Variants in DCC observed in about 807,000 individuals in gnomAD.
The protein encoded by DCC is DCC netrin 1 receptor.
A neutral mutation model predicts 172.5 loss-of-function variants in DCC; 58 were observed. The observed-to-expected ratio is 0.34, with a 90% CI of 0.27 to 0.42. The LOEUF (loss-of-function observed/expected upper bound fraction) is 0.42. Among genes scored for constraint, DCC ranks in the 10% least tolerant of loss-of-function variants. DCC has a pLI of 1.00. For synonymous variants in DCC, 709 were observed against 644.5 expected (o/e 1.10, Z -1.52); for missense variants, 1,740 against 1,791.0 (o/e 0.97, Z 0.51).
At chr18:52,632,008 T>C (rs558501404) in intron 1 of DCC, among the ~76,000 whole-genome samples, 1 of 152,274 alleles carries the variant, frequency 6.6e-6, no homozygotes, top group East Asian at 1.9e-4. Flanking sequence ...CAATTTCCCC[T>C]GGAAAAATCT....
chr18:53,000,545 A>C (rs1456740362), intron 5 of DCC, among the ~76,000 whole-genome samples: 1 of 148,286 alleles, frequency 6.7e-6, no homozygotes. Context: ...CCTGTTTTTA[A>C]TGCTGAGGGG....
At chr18:52,941,271 C>T (rs1409884524) in intron 5 of DCC, 1 of 151,784 alleles carries the variant, frequency 6.6e-6, no homozygotes, top group Non-Finnish European at 1.5e-5. Flanking sequence ...GAAAGATAAT[C>T]AGGAACAAAA....
intron 21 of DCC, among the ~76,000 whole-genome samples, chr18:53,416,968 A>G (rs1910347163): frequency 6.6e-6 from 1 of 152,178 alleles, no homozygotes; most frequent in Non-Finnish European, 1.5e-5. Context: ...CTTTCTTTCC[A>G]GAAGAGTTAG....
At chr18:53,213,180 A>G (rs539068898) in intron 11 of DCC, among the ~76,000 whole-genome samples, 15 of 152,346 alleles carry the variant, frequency 9.8e-5, no homozygotes, top group African/African-American at 2.6e-4. Context: ...ACACATGATA[A>G]ATGTTACCTT....
At chr18:52,574,534 A>C (rs1598924449) in intron 1 of DCC, among the ~76,000 whole-genome samples, 1 of 152,202 alleles carries the variant, frequency 6.6e-6, no homozygotes. Context: ...TAAATGTAGA[A>C]AACTCCAGAA....
intron 1 of DCC, among the ~76,000 whole-genome samples, chr18:52,490,831 C>G (rs1015746184): frequency 6.6e-6 from 1 of 152,086 alleles, no homozygotes; most frequent in African/African-American, 2.4e-5. Context: ...TGTCTCCAGA[C>G]CAATGCTAAA....
At position 52,340,635 on chromosome 18, in the gene DCC, G is replaced by A. The variant is rs1983584050; in HGVS notation, c.-153G>A. On this transcript the variant is annotated 5_prime_UTR_variant, in exon 1 of 29. Transcript: ENST00000442544. Reference sequence around the variant, plus strand: ...TCGAAGGCAGCAGAGGCGCAGGGGAGGTGGAGAAAGAGGTGGAGGAAGAGG... The same window carrying A: ...TCGAAGGCAGCAGAGGCGCAGGGGAAGTGGAGAAAGAGGTGGAGGAAGAGG... 4.0e-6 allele frequency: 3 copies of A among 753,742 alleles called. No homozygotes were observed. In the South Asian group the frequency reaches 4.2e-5, roughly 10 times the overall value. 46.7% of individuals were successfully genotyped at this position (753,742 alleles called of 1,614,324 possible).
At chr18:53,090,689 G>A (rs560303229) in intron 7 of DCC, among the ~76,000 whole-genome samples, 1 of 27,880 alleles carries the variant, frequency 3.6e-5, no homozygotes, top group African/African-American at 1.0e-4. Flanking sequence ...GCGAAACTCC[G>A]TCCCCCAACA....
intron 15 of DCC, among the ~76,000 whole-genome samples, chr18:53,351,708 T>C (rs765978989): frequency 3.3e-5 from 5 of 151,344 alleles, no homozygotes; most frequent in Non-Finnish European, 5.9e-5. Flanking sequence ...ATAAAAATAA[T>C]TTTCTTCATC....
intron 12 of DCC, among the ~76,000 whole-genome samples, chr18:53,235,691 A>ATT (rs35916734): frequency 0.39 from 59,083 of 151,740 alleles, 12,123 homozygotes; most frequent in East Asian, 0.62. Context: ...GTATATTCAT[A>ATT]GTTTTGTAAC....
chr18:52,542,842 A>C (rs2032500521), intron 1 of DCC, among the ~76,000 whole-genome samples: 1 of 152,196 alleles, frequency 6.6e-6, no homozygotes, highest in Admixed American at 6.5e-5. Flanking sequence ...TCCATCTAAA[A>C]AAAAAAGCAA....
At chr18:52,641,665 A>G (rs1197591600) in intron 1 of DCC, among the ~76,000 whole-genome samples, 3 of 152,164 alleles carry the variant, frequency 2.0e-5, no homozygotes, top group Non-Finnish European at 4.4e-5. Flanking sequence ...CCACAATGCA[A>G]TACCACCTTA....
chr18:52,535,257 G>T (rs1418047572), intron 1 of DCC, among the ~76,000 whole-genome samples: 1 of 152,114 alleles, frequency 6.6e-6, no homozygotes, highest in Non-Finnish European at 1.5e-5. Flanking sequence ...TGGGTATATT[G>T]GTGCCTTGCC....
chr18:52,521,661 G>T (rs35043086), intron 1 of DCC, among the ~76,000 whole-genome samples: 19,950 of 152,042 alleles, frequency 0.13, 1,417 homozygotes, highest in South Asian at 0.22. Flanking sequence ...TCTTCAGTTT[G>T]GGGGAGGTAT....
chr18:53,351,332 ACAG>A (rs1471493695), intron 15 of DCC, among the ~76,000 whole-genome samples: 5 of 39,490 alleles, frequency 1.3e-4, no homozygotes, highest in African/African-American at 4.5e-4. Context: ...ATATATATAT[ACAG>A]TGTATATATA....
At chr18:53,451,097 G>T (rs2045406219) in intron 23 of DCC, among the ~76,000 whole-genome samples, 1 of 152,196 alleles carries the variant, frequency 6.6e-6, no homozygotes, top group Non-Finnish European at 1.5e-5. Flanking sequence ...ACTTATTGGA[G>T]AGATGACTAA....
At chr18:53,040,524 G>A (rs1051735282) in intron 5 of DCC, among the ~76,000 whole-genome samples, 1 of 151,902 alleles carries the variant, frequency 6.6e-6, no homozygotes, top group African/African-American at 2.4e-5. Flanking sequence ...TTTAAAACAC[G>A]CCAAGCAAGT....
At chr18:53,130,134 A>G (rs1031775254) in intron 7 of DCC, among the ~76,000 whole-genome samples, 1 of 152,130 alleles carries the variant, frequency 6.6e-6, no homozygotes, top group Non-Finnish European at 1.5e-5. Flanking sequence ...AGATTCTAGC[A>G]ATTGCAGACT....
chr18:53,146,942 A>T (rs575204364), intron 7 of DCC, among the ~76,000 whole-genome samples: 13 of 152,294 alleles, frequency 8.5e-5, no homozygotes, highest in Non-Finnish European at 1.5e-4. Context: ...TGATTTTTTT[A>T]AATTAAAAAA....
Sources: gnomAD v4.1 joint callset for allele counts (sites outside exome capture counted in the v4.1 genomes callset) on GRCh38, gnomAD v4.1.1 for gene constraint, MANE v1.5 for transcripts, NCBI Gene and HGNC (gene_info 2026-07-23, HGNC 2026-07-21) for gene names.